CSMD3: variants seen among roughly 807,000 people sequenced by gnomAD.
CSMD3 encodes the protein CUB and sushi domain-containing protein 3.
Under a neutral mutation model 435.2 loss-of-function variants are expected in CSMD3, and 177 were observed. That is an observed-to-expected ratio of 0.41 (90% CI 0.36 to 0.46). The LOEUF (loss-of-function observed/expected upper bound fraction) is 0.46. CSMD3 is among the 20% of genes least tolerant of loss of function. The pLI, the probability that CSMD3 is intolerant of heterozygous loss-of-function variation, is 0.34. For missense variants in CSMD3, 4,265 were observed against 4,504.6 expected, an observed-to-expected ratio of 0.95 and a Z score of 1.52; for synonymous variants, 1,656 against 1,520.5, an observed-to-expected ratio of 1.09 and a Z score of -2.07.
At chr8:112,601,587 G>A (rs1490355794) in intron 22 of CSMD3, among the ~76,000 whole-genome samples, 3 of 152,166 alleles carry the variant, frequency 2.0e-5, no homozygotes, top group Non-Finnish European at 1.5e-5. Context: ...TGCTTCTGAT[G>A]AAAAAGTCAG....
chr8:113,095,269 T>G (rs2090128383), intron 5 of CSMD3, among the ~76,000 whole-genome samples: 1 of 152,170 alleles, frequency 6.6e-6, no homozygotes. Context: ...TAGGAACGTA[T>G]TTTATAATAA....
chr8:113,145,290 C>T (rs1311791166), intron 4 of CSMD3, among the ~76,000 whole-genome samples: 1 of 151,428 alleles, frequency 6.6e-6, no homozygotes, highest in African/African-American at 2.4e-5. Context: ...ATGTAGTGGC[C>T]TTACAAAATG....
intron 9 of CSMD3, among the ~76,000 whole-genome samples, chr8:112,928,208 A>G (rs111767813): frequency 3.9e-5 from 6 of 152,192 alleles, no homozygotes; most frequent in Non-Finnish European, 8.8e-5. Context: ...CCCAAAAGAA[A>G]TACATTGTTC....
In CSMD3 at chr8:112,693,614, A is replaced by C. The variant is rs562134618; in HGVS notation, c.1973-3564T>G. 3.9e-5 allele frequency among the ~76,000 whole-genome samples: 6 copies of C among 151,944 alleles called. No homozygotes were observed. The East Asian group carries it at 1.2e-3, about 29-fold the overall frequency. Reference sequence around the variant, plus strand: ...TTCCTTTTCAGACTTGCTGTTTTTAAATATACTCATTTTTAAATCTATTTT... The same window carrying C: ...TTCCTTTTCAGACTTGCTGTTTTTACATATACTCATTTTTAAATCTATTTT... On this transcript the variant is annotated intron_variant, in intron 13 of 70. Coordinates refer to ENST00000297405, the MANE Select transcript of CSMD3 (RefSeq NM_198123.2).
chr8:113,352,255 G>A (rs563097137), intron 1 of CSMD3, among the ~76,000 whole-genome samples: 21 of 151,928 alleles, frequency 1.4e-4, no homozygotes, highest in African/African-American at 3.9e-4. Context: ...CCTATGATGC[G>A]TATGCCTGTA....
intron 27 of CSMD3, among the ~76,000 whole-genome samples, chr8:112,545,396 T>C (rs1184801846): frequency 6.8e-6 from 1 of 147,512 alleles, no homozygotes; most frequent in Non-Finnish European, 1.5e-5. Flanking sequence ...GGCAGGAGAA[T>C]TGCTTGAGCC....
chr8:112,444,847 C>A (rs1815419972), intron 32 of CSMD3, among the ~76,000 whole-genome samples: 1 of 152,106 alleles, frequency 6.6e-6, no homozygotes, highest in Admixed American at 6.5e-5. Flanking sequence ...CTTAAGATCA[C>A]TGTATTTCAT....
At position 112,358,925 on chromosome 8, in the gene CSMD3, G is replaced by GT. The variant is rs1374792652; in HGVS notation, c.6137-6392dup. On this transcript the variant is annotated intron_variant, in intron 38 of 70. Coordinates refer to ENST00000297405, the MANE Select transcript of CSMD3 (RefSeq NM_198123.2). ...AATCTAAAATAAAAGTTAAAATTAT[G>GT]TTTTTTTAAAAAAGAGTTTATTTTT... is the stretch of plus-strand genomic sequence containing the variant. 2.0e-5 allele frequency among the ~76,000 whole-genome samples: 3 copies of GT among 151,766 alleles called. No homozygotes were observed. In the East Asian group the frequency reaches 5.8e-4, roughly 29 times the overall value.
chr8:112,839,946 A>C (rs2132525720), intron 11 of CSMD3, among the ~76,000 whole-genome samples: 1 of 151,890 alleles, frequency 6.6e-6, no homozygotes, highest in South Asian at 2.1e-4. Context: ...GTAAGATACC[A>C]GCTTCTCAAT....
chr8:113,052,934 A>T (rs1381218014), intron 5 of CSMD3, among the ~76,000 whole-genome samples: 1 of 152,232 alleles, frequency 6.6e-6, no homozygotes, highest in Non-Finnish European at 1.5e-5. Context: ...AAGTTTCAGG[A>T]ATCAATTGAA....
At chr8:112,776,204 T>A (rs982669800) in intron 13 of CSMD3, among the ~76,000 whole-genome samples, 3 of 151,870 alleles carry the variant, frequency 2.0e-5, no homozygotes, top group Admixed American at 6.6e-5. Flanking sequence ...ACAATAACCA[T>A]AATAATTTAC....
intron 32 of CSMD3, among the ~76,000 whole-genome samples, chr8:112,423,202 T>G (rs1029619391): frequency 6.6e-6 from 1 of 152,062 alleles, no homozygotes; most frequent in South Asian, 2.1e-4. Flanking sequence ...AGAGCAAAAA[T>G]ATAATAATTT....
chr8:112,573,983 G>A (rs1364657242), intron 23 of CSMD3, among the ~76,000 whole-genome samples: 2 of 152,060 alleles, frequency 1.3e-5, no homozygotes, highest in Admixed American at 6.6e-5. Context: ...GGTTTCTAAA[G>A]TTGGTTACTT....
intron 61 of CSMD3, among the ~76,000 whole-genome samples, chr8:112,258,040 C>T (rs570365983): frequency 6.6e-6 from 1 of 152,180 alleles, no homozygotes; most frequent in African/African-American, 2.4e-5. Flanking sequence ...AAAGGATTCG[C>T]TATTTAATAA....
intron 35 of CSMD3, among the ~76,000 whole-genome samples, chr8:112,397,706 C>T (rs895329520): frequency 5.3e-5 from 8 of 152,146 alleles, no homozygotes; most frequent in Admixed American, 5.2e-4. Context: ...TTCATGAGAG[C>T]TCTGCCCTCA....
At chr8:112,585,502 T>C (rs552570265) in intron 23 of CSMD3, among the ~76,000 whole-genome samples, 4 of 151,312 alleles carry the variant, frequency 2.6e-5, no homozygotes, top group Non-Finnish European at 5.9e-5. Context: ...AGGTAGCACA[T>C]ATCAGAAATG....
In CSMD3 at chr8:112,244,613, T is replaced by A. The variant is rs367863256; in HGVS notation, c.10223-40A>T. 5.7e-5 allele frequency: 89 copies of A among 1,571,890 alleles called. 1 individual carries two copies. The highest frequency in any genetic ancestry group is 1.7e-4 in the Middle Eastern group (1 of 5,952). On this transcript the variant is annotated intron_variant, in intron 64 of 70. Coordinates refer to ENST00000297405, the MANE Select transcript of CSMD3 (RefSeq NM_198123.2). ...GAGAACAATGTAAATTTTCTATAGA[T>A]ATGTTAAGAAAAATTTGAGACAGGA... is the stretch of plus-strand genomic sequence containing the variant.
chr8:112,384,161 A>C (rs975301743), intron 36 of CSMD3, among the ~76,000 whole-genome samples: 3 of 152,178 alleles, frequency 2.0e-5, no homozygotes, highest in African/African-American at 7.2e-5. Flanking sequence ...TCCTTGCATA[A>C]ACTTTGCTCA....
intron 5 of CSMD3, among the ~76,000 whole-genome samples, chr8:113,084,286 C>G (rs2089672998): frequency 6.6e-6 from 1 of 152,028 alleles, no homozygotes; most frequent in Non-Finnish European, 1.5e-5. Flanking sequence ...CTACAAAAAT[C>G]AGCAGTATTT....
Sources: allele counts gnomAD v4.1 joint callset (sites outside exome capture counted in the v4.1 genomes callset), GRCh38; gene constraint gnomAD v4.1.1; transcripts MANE v1.5; gene names NCBI Gene and HGNC (gene_info 2026-07-23, HGNC 2026-07-21).